The following TOP2B variants were observed in gnomAD, a reference collection of about 807,000 sequenced individuals.
TOP2B encodes DNA topoisomerase II beta.
TOP2B carries 51 observed loss-of-function variants against 193.5 expected under a neutral mutation model. That is an observed-to-expected ratio of 0.26 (90% CI 0.21 to 0.33). The LOEUF (loss-of-function observed/expected upper bound fraction) is 0.33, where lower values mean the gene tolerates loss of function less well. TOP2B is among the 10% of genes least tolerant of loss of function. The pLI is 1.00. For synonymous variants in TOP2B, 634 were observed against 635.7 expected (o/e 1.00, Z 0.04); for missense variants, 1,378 against 1,909.3 (o/e 0.72, Z 5.19).
chr3:25,628,037 G>A (rs1702853280), intron 15 of TOP2B, among the ~76,000 whole-genome samples: 1 of 150,412 alleles, frequency 6.6e-6, no homozygotes, highest in Non-Finnish European at 1.5e-5. Context: ...GGGCAACAGA[G>A]CAAGACTCTA....
intron 23 of TOP2B, 45 bp downstream of exon 23, chr3:25,619,817 T>C (rs747008174): frequency 1.3e-5 from 18 of 1,404,170 alleles, no homozygotes; most frequent in South Asian, 4.7e-5. Flanking sequence ...ATCCGACTTA[T>C]ACCATGCAAG....
In TOP2B at chr3:25,601,205, C is replaced by A. The variant is rs773139821; in HGVS notation, c.4510G>T (p.Val1504Phe). ...AKKGKPSSDT[V>F]PKPKRAPKQK... ...TTTGGGGCTCTCTTGGGCTTAGGGA[C>A]TGTATCTGAAGACGGTTTTCCTAGT... is the stretch of plus-strand genomic sequence containing the variant. The change falls in exon 34 of 36, where the codon GTC becomes TTC. Residue 1504 changes from valine to phenylalanine, a missense_variant. Coordinates refer to ENST00000264331, the MANE Select transcript of TOP2B (RefSeq NM_001330700.2). 3 of 1,613,476 alleles carry A rather than the reference C, an allele frequency of 1.9e-6. No homozygotes were observed. The highest frequency in any genetic ancestry group is 2.5e-6 in the Non-Finnish European group (3 of 1,179,626).
In TOP2B at chr3:25,602,526, C is replaced by T. The variant is rs1430439710; in HGVS notation, c.4490-1301G>A. Among the ~76,000 whole-genome samples the T allele has an allele frequency of 3.4e-5, 5 of 147,970 alleles. No individual in the cohort carries two copies. The Admixed American group carries it at 3.4e-4, about 10-fold the overall frequency. ...AAAAAAAAAAAAACCTACACTGATT[C>T]TATGGAAAATGTATTCCAGTCGCAA... On this transcript the variant is annotated intron_variant, in intron 33 of 35. Transcript: ENST00000264331.
intron 34 of TOP2B, 46 bp downstream of exon 34, chr3:25,601,054 T>C: frequency 6.3e-7 from 1 of 1,580,404 alleles, no homozygotes; most frequent in Non-Finnish European, 8.6e-7. Flanking sequence ...ATTCAATCTT[T>C]TCCACACAGC....
intron 7 of TOP2B, among the ~76,000 whole-genome samples, chr3:25,634,557 TG>T (rs555195241): frequency 1.4e-3 from 208 of 152,136 alleles, no homozygotes; most frequent in Non-Finnish European, 2.4e-3. Context: ...TAATTGCTAC[TG>T]GAAGAGTGTA....
intron 26 of TOP2B, 30 bp from the exon 27 acceptor site, chr3:25,615,318 C>G: frequency 6.3e-7 from 1 of 1,585,214 alleles, no homozygotes; most frequent in Non-Finnish European, 8.6e-7. Context: ...TTTAAACATT[C>G]AATAGTTTTA....
At chr3:25,660,947 T>G (rs1250068221) in intron 1 of TOP2B, among the ~76,000 whole-genome samples, 1 of 152,058 alleles carries the variant, frequency 6.6e-6, no homozygotes, top group Non-Finnish European at 1.5e-5. Context: ...ATTCTAGGAT[T>G]TGCTCTGCTT....
chr3:25,626,205 G>C (rs1289678944), intron 18 of TOP2B, among the ~76,000 whole-genome samples: 1 of 151,884 alleles, frequency 6.6e-6, no homozygotes, highest in Non-Finnish European at 1.5e-5. Flanking sequence ...CAGAATAAAA[G>C]CTTTTTAAAA....
At chr3:25,621,044 ACT>A (rs1702645918) in intron 21 of TOP2B, among the ~76,000 whole-genome samples, 1 of 152,126 alleles carries the variant, frequency 6.6e-6, no homozygotes, top group Non-Finnish European at 1.5e-5. Context: ...CTAGAACAGT[ACT>A]TTCTTTCAGC....
chr3:25,661,448 T>A (rs1398776967), intron 1 of TOP2B, among the ~76,000 whole-genome samples: 3 of 152,238 alleles, frequency 2.0e-5, no homozygotes, highest in Non-Finnish European at 2.9e-5. Flanking sequence ...TTAAGTCATA[T>A]AACTGTATTC....
intron 4 of TOP2B, among the ~76,000 whole-genome samples, chr3:25,638,570 G>T (rs930052381): frequency 6.6e-6 from 1 of 151,790 alleles, no homozygotes; most frequent in Non-Finnish European, 1.5e-5. Context: ...GAAAATTACA[G>T]ATCTTAAACA....
intron 21 of TOP2B, 54 bp from the exon 22 acceptor site, chr3:25,620,870 G>A: frequency 1.9e-6 from 3 of 1,570,172 alleles, no homozygotes; most frequent in Non-Finnish European, 1.7e-6. Flanking sequence ...CCAGTACCAT[G>A]AGTCTATGGT....
intron 1 of TOP2B, among the ~76,000 whole-genome samples, chr3:25,656,775 T>C (rs1473852273): frequency 1.3e-5 from 2 of 152,184 alleles, no homozygotes; most frequent in East Asian, 3.8e-4. Context: ...ATAAAAATTA[T>C]CTATAGAGTA....
chr3:25,627,844 C>T (rs186384663), intron 15 of TOP2B, among the ~76,000 whole-genome samples: 10 of 150,682 alleles, frequency 6.6e-5, no homozygotes, highest in South Asian at 2.1e-4. Context: ...CTGAGGTGGG[C>T]GGATCACTTA....
Position 25,607,399 on chromosome 3 carries a change from T to G in TOP2B, c.4094-24A>C, listed in dbSNP as rs981494284. The G allele has an allele frequency of 2.2e-5, 34 of 1,547,660 alleles. No individual in the cohort carries two copies. In the Admixed American group the frequency reaches 6.5e-4, roughly 30 times the overall value. The stretch of plus-strand genomic sequence containing the variant: ...GGCTAGGAGGAAAAATAAAAATGAA[T>G]GTTAAACTCAAATCCTAGCTTTGTA... On this transcript the variant is annotated intron_variant, in intron 30 of 35. Transcript: ENST00000264331.
chr3:25,607,211 CATCTTT>C lies in TOP2B; in HGVS notation c.4252_4257del (p.Lys1418_Asp1419del), dbSNP rs1304963350. On this transcript the variant is annotated inframe_deletion, in exon 31 of 36. Transcript: ENST00000264331. Reference sequence around the variant, plus strand: ...GATTTGCCTGGTGAAAATGTATATTCATCTTTATCTAACCCATCTGAAGGAACAAAT... The same window carrying C: ...GATTTGCCTGGTGAAAATGTATATTCATCTAACCCATCTGAAGGAACAAAT... 2 of 1,605,480 alleles carry C rather than the reference CATCTTT, an allele frequency of 1.2e-6. No homozygotes were observed. Among genetic ancestry groups the C allele is most frequent in the Admixed American group, 3.4e-5 (2 of 59,670 alleles).
chr3:25,635,002 T>C (rs565417813), intron 7 of TOP2B, among the ~76,000 whole-genome samples: 5 of 152,114 alleles, frequency 3.3e-5, no homozygotes, highest in Admixed American at 3.3e-4. Flanking sequence ...AATGAGACAT[T>C]AGAGAACATC....
At chr3:25,655,540 CA>C (rs545112211) in intron 1 of TOP2B, among the ~76,000 whole-genome samples, 1 of 152,184 alleles carries the variant, frequency 6.6e-6, no homozygotes, top group South Asian at 2.1e-4. Flanking sequence ...GGTATATATC[CA>C]AAAGAATTCA....
At chr3:25,637,426 A>C (rs1392121809) in intron 5 of TOP2B, 114 bp from the exon 6 acceptor site, 1 of 650,810 alleles carries the variant, frequency 1.5e-6, no homozygotes, top group South Asian at 1.9e-5. Flanking sequence ...CTGCATTACC[A>C]ATCACCAATT....
Sources: allele counts gnomAD v4.1 joint callset (sites outside exome capture counted in the v4.1 genomes callset), GRCh38; gene constraint gnomAD v4.1.1; transcripts MANE v1.5; gene names NCBI Gene and HGNC (gene_info 2026-07-23, HGNC 2026-07-21).